The following PDE6B variants were observed in gnomAD, a reference collection of about 807,000 sequenced individuals.
PDE6B encodes rod cGMP-specific 3',5'-cyclic phosphodiesterase subunit beta.
PDE6B carries 106 observed loss-of-function variants against 109.0 expected under a neutral mutation model. That is an observed-to-expected ratio of 0.97 (90% CI 0.83 to 1.14). The LOEUF (loss-of-function observed/expected upper bound fraction) is 1.14, where lower values mean the gene tolerates loss of function less well. PDE6B is among the 50% of genes most tolerant of loss of function. The pLI is 0.00. For missense variants in PDE6B, 1,193 were observed against 1,155.6 expected (o/e 1.03, Z -0.47); for synonymous variants, 490 against 471.3 (o/e 1.04, Z -0.51).
intron 3 of PDE6B, among the ~76,000 whole-genome samples, chr4:646,655 C>T (rs1159818373): frequency 6.6e-6 from 1 of 152,050 alleles, no homozygotes; most frequent in Non-Finnish European, 1.5e-5. Flanking sequence ...CTCTGCGTTT[C>T]TGTGTTCGCG....
chr4:664,032 C>G, intron 16 of PDE6B, 82 bp from the exon 17 acceptor site: 4 of 1,188,298 alleles, frequency 3.4e-6, no homozygotes, highest in Non-Finnish European at 5.0e-6. Context: ...CGCTCGGGCT[C>G]CGCGCCTCCC....
chr4:660,442 C>T (rs745399835), intron 11 of PDE6B, 25 bp from the exon 12 acceptor site: 2 of 1,613,090 alleles, frequency 1.2e-6, no homozygotes, highest in Non-Finnish European at 1.7e-6. Context: ...GGCCAACCTC[C>T]CTCAGCCCAC....
In PDE6B at chr4:665,030, G is replaced by A. The variant is rs894121972; in HGVS notation, c.2193+86G>A. The A allele has an allele frequency of 2.5e-5, 29 of 1,139,062 alleles. 1 individual carries two copies. The highest frequency in any genetic ancestry group is 2.3e-4 in the South Asian group (19 of 81,070). The allele number at this position is 1,139,062 out of a possible 1,614,324, so 70.6% of individuals were successfully genotyped here. The stretch of plus-strand genomic sequence containing the variant: ...GCGGGCGGGAGCCTCGGATGGCAAC[G>A]GACCATTGTTTGCAAGGAGCTCTGA... On this transcript the variant is annotated intron_variant, in intron 18 of 21. Transcript: ENST00000496514. This position sits in a 1 kb window ranked among gnomAD's most constrained non-coding sequence, Gnocchi z 4.0.
chr4:662,295 C>A lies in PDE6B; in HGVS notation c.1722+54C>A. 9.3e-7 allele frequency: 1 copy of A among 1,073,696 alleles called. No individual in the cohort carries two copies. Among genetic ancestry groups the A allele is most frequent in the Non-Finnish European group, 1.4e-6 (1 of 712,162 alleles). The allele number at this position is 1,073,696 out of a possible 1,614,324, so 66.5% of individuals were successfully genotyped here. On this transcript the variant is annotated intron_variant, in intron 13 of 21. Transcript: ENST00000496514. This position sits in a 1 kb window ranked among gnomAD's most constrained non-coding sequence, Gnocchi z 4.3. ...GTGCAGGCCCTCCTGGTACCAAGGG[C>A]AGCACTCAAGCACCCCGAGGGATGA...
intron 3 of PDE6B, among the ~76,000 whole-genome samples, chr4:646,588 G>A (rs1203699066): frequency 6.6e-6 from 1 of 151,962 alleles, no homozygotes; most frequent in African/African-American, 2.4e-5. Flanking sequence ...GGCACCCGCC[G>A]CCCACTCGCA....
At chr4:659,038 C>G (rs773593252) in intron 11 of PDE6B, 21 bp downstream of exon 11, 120 of 1,597,920 alleles carry the variant, frequency 7.5e-5, no homozygotes, top group Non-Finnish European at 1.0e-4. Context: ...TGCTCCCGTC[C>G]CTCCCATGGA....
chr4:643,542 G>T (rs916743584), intron 3 of PDE6B, among the ~76,000 whole-genome samples: 6 of 152,076 alleles, frequency 3.9e-5, no homozygotes, highest in African/African-American at 1.4e-4. Context: ...TTAGGGACTG[G>T]TGCTTTCTTT....
Position 665,368 on chromosome 4 carries a change from G to A in PDE6B, c.2268+39G>A. The A allele has an allele frequency of 3.5e-6, 5 of 1,438,138 alleles. No homozygotes were observed. Among genetic ancestry groups the A allele is most frequent in the Non-Finnish European group, 4.9e-6 (5 of 1,021,356 alleles). 89.1% of individuals were successfully genotyped at this position (1,438,138 alleles called of 1,614,324 possible). A position where few individuals can be genotyped will look rare whatever the true frequency, so the allele number is the denominator to read the frequency against. On this transcript the variant is annotated intron_variant, in intron 19 of 21. Coordinates refer to ENST00000496514, the MANE Select transcript of PDE6B (RefSeq NM_000283.4). The surrounding 1 kb of genome is among the most constrained non-coding windows in gnomAD (Gnocchi z 4.0). ...CTGGAACCTTCCACTCCTGAAACGG[G>A]TGTTAGAGACCCCTCTTGGTCCTCA... is the stretch of plus-strand genomic sequence containing the variant.
At position 663,684 on chromosome 4, in the gene PDE6B, G is replaced by T. The variant is rs920387909; in HGVS notation, c.1921-86G>T. ...CGAGGGCGGGGGCGTGAGAGGCACA[G>T]GCAGCCGAGGCGGAAGGGGCGGGGT... On this transcript the variant is annotated intron_variant, in intron 15 of 21. Transcript: ENST00000496514. This position sits in a 1 kb window ranked among gnomAD's most constrained non-coding sequence, Gnocchi z 4.0. 1.0e-6 allele frequency: 1 copy of T among 966,986 alleles called. No homozygotes were observed. Among genetic ancestry groups the T allele is most frequent in the South Asian group, 1.3e-5 (1 of 75,252 alleles). The allele number at this position is 966,986 out of a possible 1,614,324, so 59.9% of individuals were successfully genotyped here.
Position 662,566 on chromosome 4 carries a change from G to A in PDE6B, c.1780G>A (p.Gly594Ser), listed in dbSNP as rs536681553. ...DLEAFAMVTAGLCHDIDHRGT... is the reference protein window; with the variant it reads ...DLEAFAMVTASLCHDIDHRGT... Reference sequence around the variant, plus strand: ...GGAGGCCTTCGCCATGGTGACAGCCGGCCTGTGCCATGACATCGACCACCG... The same window carrying A: ...GGAGGCCTTCGCCATGGTGACAGCCAGCCTGTGCCATGACATCGACCACCG... Residue 594 changes from glycine to serine, a missense_variant, in exon 14 of 22, where the codon GGC (glycine) becomes AGC (serine). Transcript: ENST00000496514. This position sits in a 1 kb window ranked among gnomAD's most constrained non-coding sequence, Gnocchi z 4.3. 89 of 1,613,070 alleles carry A rather than the reference G, an allele frequency of 5.5e-5. 2 individuals carry two copies. The South Asian group carries it at 6.0e-4, about 11-fold the overall frequency.
chr4:655,654 A>AC, intron 6 of PDE6B: 1 of 534,232 alleles, frequency 1.9e-6, no homozygotes, highest in Non-Finnish European at 3.4e-6. Context: ...TGGCACTCAG[A>AC]GAAGAGAGTA....
intron 1 of PDE6B, among the ~76,000 whole-genome samples, chr4:632,960 A>G (rs1172767864): frequency 6.6e-6 from 1 of 152,160 alleles, no homozygotes; most frequent in African/African-American, 2.4e-5. Context: ...GATGGGTAAA[A>G]GGATGGGCTC....
At chr4:657,319 C>A in intron 9 of PDE6B, 32 bp from the exon 10 acceptor site, 1 of 1,612,170 alleles carries the variant, frequency 6.2e-7, no homozygotes. Context: ...GCCGGGAGCG[C>A]TGAGCGCCAG....
At chr4:656,527 T>C (rs1389851331) in intron 8 of PDE6B, among the ~76,000 whole-genome samples, 1 of 146,460 alleles carries the variant, frequency 6.8e-6, no homozygotes, top group Non-Finnish European at 1.5e-5. Flanking sequence ...CACACACCCC[T>C]GCGAGGCCGT....
At chr4:659,725 CAT>C (rs964738655) in intron 11 of PDE6B, among the ~76,000 whole-genome samples, 4 of 147,796 alleles carry the variant, frequency 2.7e-5, no homozygotes, top group East Asian at 2.0e-4. Context: ...TGTGTGCACC[CAT>C]GTGTGTGTGC....
intron 3 of PDE6B, among the ~76,000 whole-genome samples, chr4:638,381 A>G (rs1256124599): frequency 1.3e-5 from 2 of 151,998 alleles, no homozygotes; most frequent in African/African-American, 4.8e-5. Context: ...GGAGTGCAAT[A>G]GTGAAATCTT....
chr4:658,183 CAAGTCGCCAGGGGTCACGGCTGTGT>C (rs1736594401), intron 10 of PDE6B, among the ~76,000 whole-genome samples: 1 of 89,402 alleles, frequency 1.1e-5, no homozygotes, highest in African/African-American at 4.4e-5. Context: ...ATGGTGGGGG[CAAGTCGCCAGGGGTCACGGCTGTGT>C]GGCGGGGGCA....
chr4:668,122 C>T (rs1042382561), intron 21 of PDE6B, 116 bp downstream of exon 21: 6 of 1,055,316 alleles, frequency 5.7e-6, no homozygotes, highest in Non-Finnish European at 6.9e-6. Context: ...TTTCAAGAAG[C>T]CTCGAGGTGG....
Position 666,083 on chromosome 4 carries a change from A to C in PDE6B, c.2269-448A>C, listed in dbSNP as rs1223429919. 6.6e-6 allele frequency among the ~76,000 whole-genome samples: 1 copy of C among 152,138 alleles called. No individual in the cohort carries two copies. The highest frequency in any genetic ancestry group is 1.5e-5 in the Non-Finnish European group (1 of 68,004). On this transcript the variant is annotated intron_variant, in intron 19 of 21. Coordinates refer to ENST00000496514, the MANE Select transcript of PDE6B (RefSeq NM_000283.4). The surrounding 1 kb of genome is among the most constrained non-coding windows in gnomAD (Gnocchi z 5.6). Reference sequence around the variant, plus strand: ...GACGCTGTGAGGGGACGGACAGCCCAGGGCACTCGGGGTCTGACACTAGAA... The same window carrying C: ...GACGCTGTGAGGGGACGGACAGCCCCGGGCACTCGGGGTCTGACACTAGAA...
Sources: allele counts gnomAD v4.1 joint callset (sites outside exome capture counted in the v4.1 genomes callset), GRCh38; gene constraint gnomAD v4.1.1; non-coding constraint Gnocchi (gnomAD v3.1); transcripts MANE v1.5; gene names NCBI Gene and HGNC (gene_info 2026-07-23, HGNC 2026-07-21).